CRB3: variants seen among roughly 807,000 people sequenced by gnomAD.
CRB3 encodes protein crumbs homolog 3.
A neutral mutation model predicts 10.4 loss-of-function variants in CRB3; 4 were observed. The observed-to-expected ratio is 0.39, with a 90% CI of 0.19 to 0.88. The LOEUF (loss-of-function observed/expected upper bound fraction) is 0.88, where lower values mean the gene tolerates loss of function less well. Ranked by LOEUF, CRB3 falls within the 40% of genes least tolerant of loss-of-function variation. The pLI is 0.39. For missense variants in CRB3, 154 were observed against 160.2 expected (o/e 0.96, Z 0.21); for synonymous variants, 74 against 73.4 (o/e 1.01, Z -0.04).
At chr19:6,465,475 CA>C in intron 2 of CRB3, 69 bp from the exon 3 acceptor site, 1 of 1,272,828 alleles carries the variant, frequency 7.9e-7, no homozygotes, top group Non-Finnish European at 1.2e-6. Context: ...ATGCCCAAAG[CA>C]GGTGCAGATG....
chr19:6,464,709 AC>A lies in CRB3; in HGVS notation c.12del (p.Leu6TrpfsTer146). 1 of 1,239,658 alleles carries A rather than the reference AC, an allele frequency of 8.1e-7. No homozygotes were observed. 76.8% of individuals were successfully genotyped at this position (1,239,658 alleles called of 1,614,324 possible). On this transcript the variant is annotated frameshift_variant, in exon 2 of 4. Coordinates refer to ENST00000600229, the MANE Select transcript of CRB3 (RefSeq NM_139161.5). LOFTEE classifies it high-confidence loss of function. The surrounding 1 kb of genome is among the most constrained non-coding windows in gnomAD (Gnocchi z 5.3). MANPGLGLLLALG... is the reference protein window; with the variant it reads MAXPGLGLLLALG... ...CAACCCGCCACCCAGCCCATGGCGA[AC>A]CCCGGGCTGGGGCTGCTTCTGGCGC...
chr19:6,465,314 C>T (rs2092788975), intron 2 of CRB3: 2 of 559,120 alleles, frequency 3.6e-6, no homozygotes, highest in Admixed American at 6.1e-5. Context: ...GACTTCTGGA[C>T]ACCCTACTGG....
intron 2 of CRB3, 48 bp from the exon 3 acceptor site, chr19:6,465,497 G>A (rs2092789865): frequency 6.6e-7 from 1 of 1,518,710 alleles, no homozygotes; most frequent in Non-Finnish European, 9.1e-7. Flanking sequence ...GGCGGGGATG[G>A]GAGAGAAAGA....
Position 6,466,362 on chromosome 19 carries a change from T to G in CRB3, c.157-104T>G. 1.1e-6 allele frequency: 1 copy of G among 902,514 alleles called. No homozygotes were observed. Among genetic ancestry groups the G allele is most frequent in the Non-Finnish European group, 1.8e-6 (1 of 557,960 alleles). 55.9% of individuals were successfully genotyped at this position (902,514 alleles called of 1,614,324 possible). A position where few individuals can be genotyped will look rare whatever the true frequency, so the allele number is the denominator to read the frequency against. On this transcript the variant is annotated intron_variant, in intron 3 of 3. Transcript: ENST00000600229. The surrounding 1 kb of genome is among the most constrained non-coding windows in gnomAD (Gnocchi z 4.9). Reference sequence around the variant, plus strand: ...CAAAAGTGGCAGATGTGTGTATGTGTGTGTGTGTGTTGTGGGGTAGGGGGT... The same window carrying G: ...CAAAAGTGGCAGATGTGTGTATGTGGGTGTGTGTGTTGTGGGGTAGGGGGT...
Position 6,464,946 on chromosome 19 carries a change from G to A in CRB3, c.82+163G>A. On this transcript the variant is annotated intron_variant, in intron 2 of 3. Transcript: ENST00000600229. This position sits in a 1 kb window ranked among gnomAD's most constrained non-coding sequence, Gnocchi z 5.3. ...AGGGGTCTACAGGGTTAGGGCTCGGGGGGATTAAGATTTCTAGTTTCTTCC... is the reference window on the plus strand; with the variant it reads ...AGGGGTCTACAGGGTTAGGGCTCGGAGGGATTAAGATTTCTAGTTTCTTCC... The A allele has an allele frequency of 2.5e-6, 1 of 407,570 alleles. No individual in the cohort carries two copies. Among genetic ancestry groups the A allele is most frequent in the Non-Finnish European group, 4.3e-6 (1 of 234,716 alleles). 25.2% of individuals were successfully genotyped at this position (407,570 alleles called of 1,614,324 possible).
chr19:6,464,133 C>G (rs1599368882), upstream of CRB3: 1 of 148,836 alleles, frequency 6.7e-6, no homozygotes, highest in South Asian at 2.1e-4. This position sits in a 1 kb window ranked among gnomAD's most constrained non-coding sequence, Gnocchi z 5.3. Context: ...ACAGGTGCGC[C>G]CACAGCGCGG....
Position 6,465,564 on chromosome 19 carries a change from T to C in CRB3, c.102T>C (p.Asn34=), listed in dbSNP as rs1367181916. 1 of 1,613,514 alleles carries C rather than the reference T, an allele frequency of 6.2e-7. No individual in the cohort carries two copies. Among genetic ancestry groups the C allele is most frequent in the South Asian group, 1.1e-5 (1 of 91,084 alleles). Reference sequence around the variant, plus strand: ...CCACAGTACAGACCACTTCTGCAAATGAGAATAGCACTGTTTTGCCTTCAT... The same window carrying C: ...CCACAGTACAGACCACTTCTGCAAACGAGAATAGCACTGTTTTGCCTTCAT... ...AWGQIQTTSA[N]ENSTVLPSST... Residue 34 remains asparagine (N), a synonymous_variant, in exon 3 of 4, where the codon AAT becomes AAC. Coordinates refer to ENST00000600229, the MANE Select transcript of CRB3 (RefSeq NM_139161.5).
upstream of CRB3, chr19:6,463,795 T>A (rs542301673): frequency 2.6e-5 from 4 of 152,250 alleles, no homozygotes; most frequent in East Asian, 3.9e-4. Flanking sequence ...TTATTTATTT[T>A]TTGTAGAGAA....
Position 6,467,068 on chromosome 19 carries a change from G to A in CRB3, c.*396G>A, listed in dbSNP as rs1306113792. ...CTCCCTTCATTGCTGTGTGACCTTG[G>A]GGAAAGGCAGTGCCCTCTCTGGGCA... On this transcript the variant is annotated 3_prime_UTR_variant, in exon 4 of 4. Transcript: ENST00000600229. 42 of 1,567,370 alleles carry A rather than the reference G, an allele frequency of 2.7e-5. No individual in the cohort carries two copies. The highest frequency in any genetic ancestry group is 3.6e-5 in the Non-Finnish European group (41 of 1,139,700).
At chr19:6,465,442 C>A (rs752194596) in intron 2 of CRB3, 103 bp from the exon 3 acceptor site, 21 of 909,354 alleles carry the variant, frequency 2.3e-5, no homozygotes, top group Non-Finnish European at 3.5e-5. Flanking sequence ...GAATTGGGAC[C>A]TGCTAGGGGG....
chr19:6,464,648 AG>A lies in CRB3; in HGVS notation c.-50del. Reference sequence around the variant, plus strand: ...TGCCCCTGGCCGGAGATGCGGTAGGAGGGGCGAGCGCGAGAAGCCCCTTCCT... The same window carrying A: ...TGCCCCTGGCCGGAGATGCGGTAGGAGGGCGAGCGCGAGAAGCCCCTTCCT... On this transcript the variant is annotated 5_prime_UTR_variant, in exon 2 of 4. Transcript: ENST00000600229. This position sits in a 1 kb window ranked among gnomAD's most constrained non-coding sequence, Gnocchi z 5.3. 2 of 1,094,380 alleles carry A rather than the reference AG, an allele frequency of 1.8e-6. No individual in the cohort carries two copies. The highest frequency in any genetic ancestry group is 2.3e-6 in the Non-Finnish European group (2 of 862,744). The allele number at this position is 1,094,380 out of a possible 1,614,324, so 67.8% of individuals were successfully genotyped here.
rs761286785 is a variant in CRB3, at chr19:6,465,606, C to T, written c.144C>T (p.Ser48=). 3.8e-5 allele frequency: 61 copies of T among 1,613,450 alleles called. No homozygotes were observed. In the Admixed American group the frequency reaches 4.0e-4, roughly 11 times the overall value. ...TGCCTTCATCCACCAGCTCCAGCTCCGATGGCAACCTGGTGAGTTGGAGGT... is the reference window on the plus strand; with the variant it reads ...TGCCTTCATCCACCAGCTCCAGCTCTGATGGCAACCTGGTGAGTTGGAGGT... ...TVLPSSTSSS[S]DGNLRPEAIT... The change falls in exon 3 of 4, where the codon TCC becomes TCT. Residue 48 remains serine, a synonymous_variant. Transcript: ENST00000600229.
chr19:6,465,057 T>A, intron 2 of CRB3: 1 of 289,304 alleles, frequency 3.5e-6, no homozygotes, highest in Non-Finnish European at 6.3e-6. Flanking sequence ...AAGTAGGACT[T>A]GGGGGGAGGT....
rs2092784405 is a variant in CRB3, at chr19:6,464,290, G to C, written c.-155G>C. The C allele has an allele frequency of 1.2e-5, 2 of 163,236 alleles. No individual in the cohort carries two copies. Among genetic ancestry groups the C allele is most frequent in the Admixed American group, 1.3e-4 (2 of 15,578 alleles). 10.1% of individuals were successfully genotyped at this position (163,236 alleles called of 1,614,324 possible). ...GGACCCACAGAACGACCGACGGACC[G>C]AGGGTTCGAGGGAGGGACACGGACC... On this transcript the variant is annotated 5_prime_UTR_variant, in exon 1 of 4. Transcript: ENST00000600229. This position sits in a 1 kb window ranked among gnomAD's most constrained non-coding sequence, Gnocchi z 5.3.
In CRB3 at chr19:6,464,395, C is replaced by CA. The variant is rs2092784740; in HGVS notation, c.-95+46dup. The CA allele has an allele frequency of 3.4e-6, 1 of 293,066 alleles. No homozygotes were observed. The highest frequency in any genetic ancestry group is 6.3e-6 in the Non-Finnish European group (1 of 159,156). The allele number at this position is 293,066 out of a possible 1,614,324, so 18.2% of individuals were successfully genotyped here. A position where few individuals can be genotyped will look rare whatever the true frequency, so the allele number is the denominator to read the frequency against. On this transcript the variant is annotated intron_variant, in intron 1 of 3. Coordinates refer to ENST00000600229, the MANE Select transcript of CRB3 (RefSeq NM_139161.5). The surrounding 1 kb of genome is among the most constrained non-coding windows in gnomAD (Gnocchi z 5.3). Reference sequence around the variant, plus strand: ...CGCTAGGCCTGCCCCCTCGCCCGTCCACCCTGCCCGTCCCGTCCCGTCCCG... The same window carrying CA: ...CGCTAGGCCTGCCCCCTCGCCCGTCCAACCCTGCCCGTCCCGTCCCGTCCCG...
Position 6,464,708 on chromosome 19 carries a change from A to G in CRB3, c.7A>G (p.Asn3Asp). 3 of 1,240,550 alleles carry G rather than the reference A, an allele frequency of 2.4e-6. No individual in the cohort carries two copies. Among genetic ancestry groups the G allele is most frequent in the Non-Finnish European group, 3.0e-6 (3 of 991,594 alleles). 76.8% of individuals were successfully genotyped at this position (1,240,550 alleles called of 1,614,324 possible). A position where few individuals can be genotyped will look rare whatever the true frequency, so the allele number is the denominator to read the frequency against. The change falls in exon 2 of 4, where the codon AAC becomes GAC. Residue 3 changes from asparagine (N) to aspartate (D), a missense_variant. Physicochemically the swap from Asn to Asp is conservative, Grantham distance 23. Coordinates refer to ENST00000600229, the MANE Select transcript of CRB3 (RefSeq NM_139161.5). This position sits in a 1 kb window ranked among gnomAD's most constrained non-coding sequence, Gnocchi z 5.3. Reference protein sequence around the residue: MANPGLGLLLALG... With the variant: MADPGLGLLLALG... The stretch of plus-strand genomic sequence containing the variant: ...CCAACCCGCCACCCAGCCCATGGCG[A>G]ACCCCGGGCTGGGGCTGCTTCTGGC...
Position 6,465,286 on chromosome 19 carries a change from G to T in CRB3, c.83-259G>T, listed in dbSNP as rs557225390. 7.8e-6 allele frequency: 4 copies of T among 512,362 alleles called. No homozygotes were observed. The South Asian group carries it at 1.0e-4, about 13-fold the overall frequency. 31.7% of individuals were successfully genotyped at this position (512,362 alleles called of 1,614,324 possible). ...ATCCTTAAGGGCCCAGGGCCGAGAG[G>T]TGAGTAGGGGAGGGGTGGACTTCTG... On this transcript the variant is annotated intron_variant, in intron 2 of 3. Coordinates refer to ENST00000600229, the MANE Select transcript of CRB3 (RefSeq NM_139161.5).
chr19:6,466,542 T>C lies in CRB3; in HGVS notation c.233T>C (p.Leu78Pro). ...TTGCTCCTGGCTGTGGGGCTGGCAC[T>C]GTTGGTGCGGAAGCTTCGGGAGAAG... ...AALLLAVGLALLVRKLREKRQ... is the reference protein window; with the variant it reads ...AALLLAVGLAPLVRKLREKRQ... Residue 78 changes from leucine (L) to proline (P), a missense_variant, in exon 4 of 4, where the codon CTG becomes CCG. Transcript: ENST00000600229. This position sits in a 1 kb window ranked among gnomAD's most constrained non-coding sequence, Gnocchi z 4.9. 6.2e-7 allele frequency: 1 copy of C among 1,613,340 alleles called. No homozygotes were observed. The highest frequency in any genetic ancestry group is 1.6e-4 in the Middle Eastern group (1 of 6,062).
chr19:6,464,814 G>A lies in CRB3; in HGVS notation c.82+31G>A. 7 of 1,211,594 alleles carry A rather than the reference G, an allele frequency of 5.8e-6. No homozygotes were observed. Among genetic ancestry groups the A allele is most frequent in the East Asian group, 3.0e-5 (1 of 32,910 alleles). 75.1% of individuals were successfully genotyped at this position (1,211,594 alleles called of 1,614,324 possible). On this transcript the variant is annotated intron_variant, in intron 2 of 3. Coordinates refer to ENST00000600229, the MANE Select transcript of CRB3 (RefSeq NM_139161.5). This position sits in a 1 kb window ranked among gnomAD's most constrained non-coding sequence, Gnocchi z 5.3. The stretch of plus-strand genomic sequence containing the variant: ...TACCAGCTGAGAGCGCTGGGGGGGA[G>A]GGGTCTGGATTCCTGGATCTCTGCT...
Sources: gnomAD v4.1 joint callset for allele counts on GRCh38, gnomAD v4.1.1 for gene constraint, Gnocchi (gnomAD v3.1) non-coding constraint, MANE v1.5 for transcripts, NCBI Gene and HGNC (gene_info 2026-07-23, HGNC 2026-07-21) for gene names.